The following KCND2 variants were observed in gnomAD, a reference collection of about 807,000 sequenced individuals.
The protein encoded by KCND2 is potassium voltage-gated channel subfamily D member 2, also known as A-type voltage-gated potassium channel KCND2.
A neutral mutation model predicts 54.4 loss-of-function variants in KCND2; 16 were observed. That is an observed-to-expected ratio of 0.29 (90% CI 0.20 to 0.45). The LOEUF (loss-of-function observed/expected upper bound fraction) is 0.45, where lower values mean the gene tolerates loss of function less well. KCND2 is among the 20% of genes least tolerant of loss of function. The pLI is 1.00. For missense variants in KCND2, 486 were observed against 824.2 expected, an observed-to-expected ratio of 0.59 and a Z score of 5.02; for synonymous variants, 317 against 310.7, an observed-to-expected ratio of 1.02 and a Z score of -0.21.
chr7:120,723,283 G>A (rs1025891029), intron 1 of KCND2, among the ~76,000 whole-genome samples: 3 of 152,118 alleles, frequency 2.0e-5, no homozygotes, highest in Admixed American at 6.6e-5. Context: ...TTCTTTTTCT[G>A]TTGGAAGACA....
intron 1 of KCND2, among the ~76,000 whole-genome samples, chr7:120,435,118 T>G (rs1340056365): frequency 6.6e-6 from 1 of 151,852 alleles, no homozygotes; most frequent in Non-Finnish European, 1.5e-5. Flanking sequence ...TTTATTTATT[T>G]ATTGAGACAG....
At chr7:120,338,542 T>C (rs1334273811) in intron 1 of KCND2, among the ~76,000 whole-genome samples, 2 of 152,092 alleles carry the variant, frequency 1.3e-5, no homozygotes, top group Non-Finnish European at 2.9e-5. Flanking sequence ...TACCACGTTC[T>C]TTTTTATTAT....
At chr7:120,592,402 A>G (rs73441816) in intron 1 of KCND2, among the ~76,000 whole-genome samples, 1,603 of 152,138 alleles carry the variant, frequency 0.011, 34 homozygotes, top group African/African-American at 0.037. Flanking sequence ...TACAAAAATT[A>G]GCGGGCGTGG....
At chr7:120,693,688 C>CA (rs1226126620) in intron 1 of KCND2, among the ~76,000 whole-genome samples, 1 of 151,974 alleles carries the variant, frequency 6.6e-6, no homozygotes, top group African/African-American at 2.4e-5. Context: ...TTAATCCTCA[C>CA]AAAAAAGTAT....
intron 1 of KCND2, among the ~76,000 whole-genome samples, chr7:120,356,224 T>C (rs944382285): frequency 1.4e-4 from 22 of 152,078 alleles, no homozygotes; most frequent in Admixed American, 2.0e-4. Flanking sequence ...TGAGATGTAA[T>C]ATACTCCCTG....
At chr7:120,404,067 A>G (rs1325909625) in intron 1 of KCND2, among the ~76,000 whole-genome samples, 2 of 152,180 alleles carry the variant, frequency 1.3e-5, no homozygotes. Context: ...CAGTTTATTA[A>G]GACAAAAAAA....
intron 1 of KCND2, among the ~76,000 whole-genome samples, chr7:120,530,242 A>G (rs991475707): frequency 6.6e-6 from 1 of 152,188 alleles, no homozygotes; most frequent in Admixed American, 6.6e-5. Flanking sequence ...CCCATTCTCC[A>G]TGATGTATTG....
At chr7:120,705,578 T>G (rs1273077034) in intron 1 of KCND2, among the ~76,000 whole-genome samples, 5 of 152,112 alleles carry the variant, frequency 3.3e-5, no homozygotes, top group Non-Finnish European at 5.9e-5. Flanking sequence ...GTGTAAGTAT[T>G]CAATAACTGA....
intron 1 of KCND2, among the ~76,000 whole-genome samples, chr7:120,545,808 A>G (rs1312655273): frequency 1.3e-5 from 2 of 151,702 alleles, no homozygotes; most frequent in East Asian, 3.9e-4. Context: ...TATAGAGAAA[A>G]TGCCATTCTG....
At chr7:120,622,293 C>T (rs542038752) in intron 1 of KCND2, among the ~76,000 whole-genome samples, 1 of 152,220 alleles carries the variant, frequency 6.6e-6, no homozygotes, top group South Asian at 2.1e-4. Context: ...GCATCAACTT[C>T]AAAGTTCAGA....
rs558390712 is a variant in KCND2 at position 120,273,343 on chromosome 7, T to G, written c.-1290T>G. 1.9e-4 allele frequency among the ~76,000 whole-genome samples: 29 copies of G among 149,766 alleles called. No individual in the cohort carries two copies. The East Asian group carries it at 4.3e-3, about 22-fold the overall frequency. On this transcript the variant is annotated 5_prime_UTR_variant, in exon 1 of 6. Coordinates refer to ENST00000331113, the MANE Select transcript of KCND2 (RefSeq NM_012281.3). ...CCCGCGCTGCCGAGCGCCTTCTGCC[T>G]CCGCGCTCGGACGAGAGCCCGTGCC...
At chr7:120,300,583 C>G (rs1034784887) in intron 1 of KCND2, among the ~76,000 whole-genome samples, 1 of 151,988 alleles carries the variant, frequency 6.6e-6, no homozygotes, top group African/African-American at 2.4e-5. Context: ...GAGTAGTGAA[C>G]AGATCTAAAA....
chr7:120,666,341 A>G (rs763819751), intron 1 of KCND2, among the ~76,000 whole-genome samples: 6 of 152,042 alleles, frequency 3.9e-5, no homozygotes, highest in Admixed American at 6.6e-5. Context: ...GGAAAGATAA[A>G]TGTGATTGGC....
intron 1 of KCND2, among the ~76,000 whole-genome samples, chr7:120,435,780 C>G (rs1444751426): frequency 6.6e-6 from 1 of 151,958 alleles, no homozygotes; most frequent in Non-Finnish European, 1.5e-5. Context: ...TCTTCTCTGC[C>G]TTTTCTCACT....
intron 1 of KCND2, among the ~76,000 whole-genome samples, chr7:120,726,897 G>A (rs754748151): frequency 6.6e-6 from 1 of 152,192 alleles, no homozygotes; most frequent in African/African-American, 2.4e-5. Context: ...AAAAGATAAT[G>A]TGAGAGATTG....
At chr7:120,720,873 G>A (rs959142229) in intron 1 of KCND2, among the ~76,000 whole-genome samples, 5 of 151,992 alleles carry the variant, frequency 3.3e-5, no homozygotes, top group Non-Finnish European at 5.9e-5. Flanking sequence ...CCTTGAATAC[G>A]ATCAATACTG....
chr7:120,387,113 C>T (rs779369361), intron 1 of KCND2, among the ~76,000 whole-genome samples: 5 of 152,072 alleles, frequency 3.3e-5, no homozygotes, highest in Non-Finnish European at 7.4e-5. Context: ...TGAAAACAAA[C>T]ACTTCTAATC....
At chr7:120,571,148 A>G (rs999394265) in intron 1 of KCND2, among the ~76,000 whole-genome samples, 2 of 152,116 alleles carry the variant, frequency 1.3e-5, no homozygotes, top group East Asian at 1.9e-4. Flanking sequence ...TCTGATACCT[A>G]TATGGTTGGT....
intron 1 of KCND2, among the ~76,000 whole-genome samples, chr7:120,698,075 T>G (rs1456460511): frequency 1.5e-5 from 2 of 130,326 alleles, no homozygotes; most frequent in Non-Finnish European, 3.1e-5. Flanking sequence ...AGTGCAGTGG[T>G]GCAATCTCAG....
Sources: allele counts gnomAD v4.1 joint callset (sites outside exome capture counted in the v4.1 genomes callset), GRCh38; gene constraint gnomAD v4.1.1; transcripts MANE v1.5; gene names NCBI Gene and HGNC (gene_info 2026-07-23, HGNC 2026-07-21).